Variants in ZBTB21 observed in about 807,000 individuals in gnomAD.
ZBTB21 encodes zinc finger and BTB domain containing 21, also known as zinc finger and BTB domain-containing protein 21.
A neutral mutation model predicts 39.8 loss-of-function variants in ZBTB21; 10 were observed. That is an observed-to-expected ratio of 0.25 (90% CI 0.16 to 0.43). ZBTB21 has a LOEUF of 0.43. Among genes scored for constraint, ZBTB21 ranks in the 20% least tolerant of loss-of-function variants. The pLI, the probability that ZBTB21 is intolerant of heterozygous loss-of-function variation, is 1.00. For synonymous variants in ZBTB21, 551 were observed against 498.8 expected, an observed-to-expected ratio of 1.10 and a Z score of -1.40; for missense variants, 1,221 against 1,296.3, an observed-to-expected ratio of 0.94 and a Z score of 0.89.
rs1424556249 is a variant in ZBTB21 at position 41,992,621 on chromosome 21, A to C, written c.1475T>G (p.Leu492Trp). The change falls in exon 3 of 3, where the codon TTG becomes TGG. Residue 492 changes from leucine (L) to tryptophan (W), a missense_variant. Around this residue, in one of 4 missense-constraint regions of ZBTB21, gnomAD observed 500 missense variants for 465.6 expected, o/e 1.07. Coordinates refer to ENST00000310826, the MANE Select transcript of ZBTB21 (RefSeq NM_001098402.2). This position sits in a 1 kb window ranked among gnomAD's most constrained non-coding sequence, Gnocchi z 4.1. ...ATTCACCTTTAACTTCTTAAACGGC[A>C]ATCTTCGGTCCGCTTGGAACCTCCT... ...AKRRFQADRR[L>W]PFKKLKVNEH... The C allele has an allele frequency of 6.2e-7, 1 of 1,614,150 alleles. No individual in the cohort carries two copies. Among genetic ancestry groups the C allele is most frequent in the South Asian group, 1.1e-5 (1 of 91,068 alleles).
intron 2 of ZBTB21, among the ~76,000 whole-genome samples, chr21:42,000,617 G>A (rs2065806441): frequency 1.3e-5 from 2 of 152,172 alleles, no homozygotes; most frequent in African/African-American, 4.8e-5. Flanking sequence ...CTTTTGTTTA[G>A]AAAGGTTTCC....
chr21:42,000,568 C>T (rs144716521), intron 2 of ZBTB21, among the ~76,000 whole-genome samples: 1,673 of 152,262 alleles, frequency 0.011, 30 homozygotes, highest in African/African-American at 0.038. Context: ...TTCCACAGAC[C>T]GTATGCATCC....
At chr21:41,998,567 C>G (rs139235141) in intron 2 of ZBTB21, among the ~76,000 whole-genome samples, 2 of 152,242 alleles carry the variant, frequency 1.3e-5, no homozygotes, top group East Asian at 3.9e-4. Flanking sequence ...ACATGAATCC[C>G]AAGTAACTAT....
chr21:41,995,232 C>T lies in ZBTB21; in HGVS notation c.-13-1124G>A, dbSNP rs572993328. On this transcript the variant is annotated intron_variant, in intron 2 of 2. Transcript: ENST00000310826. ...ACAGTTTAGAGGACTCAGAAGAAGA[C>T]AGGAAAATGTGGGAAACTTTGGAAC... Among the ~76,000 whole-genome samples the T allele has an allele frequency of 1.6e-4, 24 of 152,290 alleles. 1 individual carries two copies. In the East Asian group the frequency reaches 4.4e-3, roughly 28 times the overall value.
chr21:41,994,317 A>G (rs2065716863), intron 2 of ZBTB21, among the ~76,000 whole-genome samples: 2 of 152,220 alleles, frequency 1.3e-5, no homozygotes, highest in Non-Finnish European at 2.9e-5. Context: ...TCATTAAAAT[A>G]GAAGAATTGC....
intron 2 of ZBTB21, among the ~76,000 whole-genome samples, chr21:41,998,820 A>G (rs917599648): frequency 5.3e-5 from 8 of 152,222 alleles, no homozygotes; most frequent in Non-Finnish European, 7.3e-5. Flanking sequence ...TTGCTTCTAG[A>G]GATGATGCCT....
At chr21:41,995,002 G>A (rs748133079) in intron 2 of ZBTB21, among the ~76,000 whole-genome samples, 3 of 152,158 alleles carry the variant, frequency 2.0e-5, no homozygotes, top group Non-Finnish European at 4.4e-5. Flanking sequence ...CTTCCACCAC[G>A]ATTAAAAGGC....
chr21:41,999,254 T>A (rs1601647190), intron 2 of ZBTB21, among the ~76,000 whole-genome samples: 2 of 152,202 alleles, frequency 1.3e-5, no homozygotes, highest in African/African-American at 4.8e-5. Context: ...TCAAAAGGGG[T>A]TCTTAAACTC....
intron 2 of ZBTB21, among the ~76,000 whole-genome samples, chr21:41,997,553 T>A (rs2146306591): frequency 6.7e-6 from 1 of 149,116 alleles, no homozygotes; most frequent in Admixed American, 6.7e-5. Flanking sequence ...TCCAGCCTGG[T>A]TGACAGAGCA....
At position 41,992,573 on chromosome 21, in the gene ZBTB21, T is replaced by C; in HGVS notation, c.1523A>G (p.Glu508Gly). Residue 508 changes from glutamate to glycine, a missense_variant, in exon 3 of 3, where the codon GAA becomes GGA. Coordinates refer to ENST00000310826, the MANE Select transcript of ZBTB21 (RefSeq NM_001098402.2). This position sits in a 1 kb window ranked among gnomAD's most constrained non-coding sequence, Gnocchi z 4.1. ...KVNEHGSPVS[E>G]DNFEEGSSPT... ...GCTTGAGCCTTCCTCAAAATTATCT[T>C]CTGACACAGGAGACCCGTGCTCATT... 2 of 1,614,222 alleles carry C rather than the reference T, an allele frequency of 1.2e-6. No individual in the cohort carries two copies. The highest frequency in any genetic ancestry group is 1.7e-6 in the Non-Finnish European group (2 of 1,180,046).
In ZBTB21 at chr21:41,990,799, A is replaced by T; in HGVS notation, c.*96T>A. 8.2e-7 allele frequency: 1 copy of T among 1,223,704 alleles called. No homozygotes were observed. The highest frequency in any genetic ancestry group is 1.1e-6 in the Non-Finnish European group (1 of 923,970). 75.8% of individuals were successfully genotyped at this position (1,223,704 alleles called of 1,614,324 possible). On this transcript the variant is annotated 3_prime_UTR_variant, in exon 3 of 3. Coordinates refer to ENST00000310826, the MANE Select transcript of ZBTB21 (RefSeq NM_001098402.2). ...AGCGTAACAATCTCCAACCTTTATT[A>T]TTCTTGTTTAAAAAATATTTTGTTT...
rs779420714 is a variant in ZBTB21 at position 41,993,713 on chromosome 21, G to C, written c.383C>G (p.Thr128Arg). The part of the protein sequence containing the change: ...VSKTPQAPFP[T>R]CPNRKKVFVE... ...AAACACTTTTTTTCTATTAGGACACGTTGGAAAGGGGGCTTGAGGTGTTTT... is the reference window on the plus strand; with the variant it reads ...AAACACTTTTTTTCTATTAGGACACCTTGGAAAGGGGGCTTGAGGTGTTTT... Residue 128 changes from threonine (T) to arginine (R), a missense_variant, in exon 3 of 3, where the codon ACG (threonine) becomes AGG (arginine). Thr to Arg is a moderately conservative substitution (Grantham distance 71). Around this residue, in one of 4 missense-constraint regions of ZBTB21, gnomAD observed 108 missense variants for 155.0 expected, o/e 0.70. Transcript: ENST00000310826. The C allele has an allele frequency of 1.2e-6, 2 of 1,614,058 alleles. No homozygotes were observed. The highest frequency in any genetic ancestry group is 3.3e-5 in the Admixed American group (2 of 60,004).
chr21:42,000,430 C>T (rs1284695590), intron 2 of ZBTB21, among the ~76,000 whole-genome samples: 1 of 152,126 alleles, frequency 6.6e-6, no homozygotes, highest in Non-Finnish European at 1.5e-5. Flanking sequence ...ACAAACAGAA[C>T]TCGAAGCACA....
intron 2 of ZBTB21, among the ~76,000 whole-genome samples, chr21:41,994,761 T>G (rs1056607103): frequency 1.1e-4 from 17 of 152,154 alleles, no homozygotes; most frequent in African/African-American, 4.1e-4. Context: ...TGCCAGGTGA[T>G]GCGGTTTGGT....
At chr21:42,008,340 T>TAAA (rs1260353877) in intron 1 of ZBTB21, among the ~76,000 whole-genome samples, 1 of 7,220 alleles carries the variant, frequency 1.4e-4, no homozygotes. Context: ...ACCCCGTCTC[T>TAAA]ACAAAAAAAA....
rs1225605151 is a variant in ZBTB21, at chr21:41,987,873, G to T, written c.*3022C>A. 1 of 152,188 alleles carries T rather than the reference G, an allele frequency of 6.6e-6. No individual in the cohort carries two copies. The highest frequency in any genetic ancestry group is 2.4e-5 in the African/African-American group (1 of 41,438). The allele number at this position is 152,188 out of a possible 1,614,324, so 9.4% of individuals were successfully genotyped here. ...AGACACATTTTATTCCTGTTTCACA[G>T]CAGCTACTCTCATTAGCACCAATGG... On this transcript the variant is annotated 3_prime_UTR_variant, in exon 3 of 3. Transcript: ENST00000310826.
chr21:42,003,977 AG>A (rs2065847554), intron 1 of ZBTB21, among the ~76,000 whole-genome samples: 1 of 150,496 alleles, frequency 6.6e-6, no homozygotes. Flanking sequence ...ATAAATGCTA[AG>A]GGGGTGGGGG....
Position 41,992,216 on chromosome 21 carries a change from C to T in ZBTB21, c.1880G>A (p.Arg627Lys). Residue 627 changes from arginine to lysine, a missense_variant, in exon 3 of 3, where the codon AGA (arginine) becomes AAA (lysine). Physicochemically the swap from Arg to Lys is conservative, Grantham distance 26. Transcript: ENST00000310826. The surrounding 1 kb of genome is among the most constrained non-coding windows in gnomAD (Gnocchi z 4.1). ...CAGGGCCTTCTTAATTTCTCTCTCT[C>T]TCACTATGTCAATCAGCTTTCTTTG... ...KFQRKLIDIVREREIKKALII... is the reference protein window; with the variant it reads ...KFQRKLIDIVKEREIKKALII... 5.6e-6 allele frequency: 9 copies of T among 1,614,166 alleles called. No individual in the cohort carries two copies. The highest frequency in any genetic ancestry group is 7.6e-6 in the Non-Finnish European group (9 of 1,180,008).
Position 41,993,212 on chromosome 21 carries a change from GTTTCT to G in ZBTB21, c.879_883del (p.Lys293AsnfsTer2). ...TTCACCTTGACCATTTCCTTTGTTA[GTTTCT>G]TTTAATAGATAGGGAGTCTCTGATG... is the stretch of plus-strand genomic sequence containing the variant. On this transcript the variant is annotated frameshift_variant, in exon 3 of 3. Coordinates refer to ENST00000310826, the MANE Select transcript of ZBTB21 (RefSeq NM_001098402.2). LOFTEE classifies it high-confidence loss of function. 1 of 1,612,356 alleles carries G rather than the reference GTTTCT, an allele frequency of 6.2e-7. No homozygotes were observed. The highest frequency in any genetic ancestry group is 2.2e-5 in the East Asian group (1 of 44,884).
Sources: allele counts gnomAD v4.1 joint callset (sites outside exome capture counted in the v4.1 genomes callset), GRCh38; gene constraint gnomAD v4.1.1; regional missense constraint gnomAD v4.1.1; non-coding constraint Gnocchi (gnomAD v3.1); transcripts MANE v1.5; gene names NCBI Gene and HGNC (gene_info 2026-07-23, HGNC 2026-07-21).